The following SCAF8 variants were observed in gnomAD, a reference collection of about 807,000 sequenced individuals.
SCAF8 encodes the protein SR-related and CTD-associated factor 8.
Under a neutral mutation model 140.5 loss-of-function variants are expected in SCAF8, and 23 were observed. That is an observed-to-expected ratio of 0.16 (90% CI 0.12 to 0.23). The LOEUF is 0.23. SCAF8 is among the 10% of genes least tolerant of loss of function. The pLI is 1.00. For missense variants in SCAF8, 1,397 were observed against 1,555.7 expected, an observed-to-expected ratio of 0.90 and a Z score of 1.72; for synonymous variants, 575 against 528.9, an observed-to-expected ratio of 1.09 and a Z score of -1.20.
At chr6:154,821,169 A>G (rs1161274243) in intron 15 of SCAF8, among the ~76,000 whole-genome samples, 1 of 152,198 alleles carries the variant, frequency 6.6e-6, no homozygotes, top group African/African-American at 2.4e-5. Flanking sequence ...CAGTGAGACA[A>G]ATAGACAAAA....
chr6:154,773,578 G>T (rs951540221), intron 1 of SCAF8, among the ~76,000 whole-genome samples: 1 of 152,112 alleles, frequency 6.6e-6, no homozygotes, highest in Non-Finnish European at 1.5e-5. Context: ...AAAGTATCAT[G>T]TACAAGTTCT....
chr6:154,808,835 C>A, intron 11 of SCAF8, 37 bp downstream of exon 11: 1 of 1,354,730 alleles, frequency 7.4e-7, no homozygotes, highest in African/African-American at 1.4e-5. Context: ...CGTGTGTGAA[C>A]TTTAAAATGT....
upstream of SCAF8, chr6:154,733,380 G>T (rs775798294): frequency 3.1e-4 from 413 of 1,312,128 alleles, 1 homozygote; most frequent in Non-Finnish European, 3.6e-4. Context: ...CCGGCGCCGC[G>T]GATCCCCGAA....
chr6:154,759,664 A>T (rs1365424001), intron 1 of SCAF8, among the ~76,000 whole-genome samples: 1 of 133,294 alleles, frequency 7.5e-6, no homozygotes, highest in Non-Finnish European at 1.6e-5. Flanking sequence ...TGTCATAATA[A>T]TTTTTTTTTT....
chr6:154,765,808 A>G (rs1222935749), intron 1 of SCAF8, among the ~76,000 whole-genome samples: 3 of 152,202 alleles, frequency 2.0e-5, no homozygotes, highest in Non-Finnish European at 4.4e-5. Flanking sequence ...ATTAGATGAA[A>G]TGATGTTTTC....
At chr6:154,801,871 A>T in intron 6 of SCAF8, 100 bp from the exon 7 acceptor site, 3 of 718,478 alleles carry the variant, frequency 4.2e-6, no homozygotes, top group Non-Finnish European at 4.5e-6. Flanking sequence ...TTTCAAAGAG[A>T]GTGTGGAATG....
At chr6:154,774,834 T>C (rs1409295441) in intron 2 of SCAF8, among the ~76,000 whole-genome samples, 1 of 152,196 alleles carries the variant, frequency 6.6e-6, no homozygotes, top group African/African-American at 2.4e-5. Context: ...CAAAATTTTA[T>C]AGAAACTTTT....
At chr6:154,759,327 T>TA (rs543407636) in intron 1 of SCAF8, among the ~76,000 whole-genome samples, 113 of 152,322 alleles carry the variant, frequency 7.4e-4, no homozygotes, top group African/African-American at 2.6e-3. Context: ...TTAAAGGACT[T>TA]ATGCAGATGA....
intron 1 of SCAF8, among the ~76,000 whole-genome samples, chr6:154,768,849 G>C (rs1285341866): frequency 6.6e-6 from 1 of 152,078 alleles, no homozygotes; most frequent in Admixed American, 6.5e-5. Context: ...GATTGCTTGA[G>C]CCCAGGTGTT....
intron 19 of SCAF8, among the ~76,000 whole-genome samples, chr6:154,831,703 TAAAAAAAAAAAAAAAAAAAAAAAAAAA>T (rs58013583): frequency 4.2e-5 from 2 of 48,068 alleles, no homozygotes; most frequent in Non-Finnish European, 7.7e-5. Flanking sequence ...CTCCTGTTCT[TAAAAAAAAAAAAAAAAAAAAAAAAAAA>T]AAAAAAAAAA....
At chr6:154,775,819 TA>T (rs1457758257) in intron 2 of SCAF8, among the ~76,000 whole-genome samples, 6 of 151,898 alleles carry the variant, frequency 4.0e-5, no homozygotes, top group African/African-American at 1.4e-4. Flanking sequence ...TATTTTGACT[TA>T]CTGTTTTTAA....
At chr6:154,798,455 G>T (rs1562451922) in intron 6 of SCAF8, among the ~76,000 whole-genome samples, 2 of 151,510 alleles carry the variant, frequency 1.3e-5, no homozygotes, top group South Asian at 4.2e-4. Context: ...TAATGGAAAT[G>T]CGATTTTTCC....
Position 154,834,188 on chromosome 6 carries a change from T to G in SCAF8, c.*793T>G, listed in dbSNP as rs1289555751. 7.2e-5 allele frequency: 11 copies of G among 152,230 alleles called. No homozygotes were observed. 9.4% of individuals were successfully genotyped at this position (152,230 alleles called of 1,614,324 possible). A position where few individuals can be genotyped will look rare whatever the true frequency, so the allele number is the denominator to read the frequency against. On this transcript the variant is annotated 3_prime_UTR_variant, in exon 20 of 20. Transcript: ENST00000367178. ...AATGAACTATGTGGTGGAAAAAGCA[T>G]GTACTTTGATATAAAAATCATGCAG...
chr6:154,824,243 G>A lies in SCAF8; in HGVS notation c.1936G>A (p.Ala646Thr). Residue 646 changes from alanine to threonine, a missense_variant, in exon 17 of 20, where the codon GCG becomes ACG. This residue lies in a region of SCAF8 where 930 missense variants were observed against 874.6 expected (regional missense o/e 1.06). Coordinates refer to ENST00000367178, the MANE Select transcript of SCAF8 (RefSeq NM_014892.5). Reference sequence around the variant, plus strand: ...TGTCTATCCACAAAAGATTCCAGTGGCGCCAGCCGTGCCTACAGTTAGTTT... The same window carrying A: ...TGTCTATCCACAAAAGATTCCAGTGACGCCAGCCGTGCCTACAGTTAGTTT... Reference protein sequence around the residue: ...PPVAMLQIPVAPAVPTVSLVP... With the variant: ...PPVAMLQIPVTPAVPTVSLVP... The A allele has an allele frequency of 6.2e-7, 1 of 1,613,666 alleles. No individual in the cohort carries two copies. The highest frequency in any genetic ancestry group is 1.1e-5 in the South Asian group (1 of 91,010).
chr6:154,784,061 C>G (rs534855645), intron 3 of SCAF8, among the ~76,000 whole-genome samples: 16 of 142,198 alleles, frequency 1.1e-4, no homozygotes, highest in African/African-American at 3.9e-4. Context: ...AGCGAGACTC[C>G]GTCTCAAAAA....
intron 1 of SCAF8, among the ~76,000 whole-genome samples, chr6:154,746,734 A>G (rs1237107103): frequency 6.6e-6 from 1 of 152,246 alleles, no homozygotes; most frequent in Non-Finnish European, 1.5e-5. Flanking sequence ...AATACTATGT[A>G]CAAACATTAC....
chr6:154,777,105 C>A (rs775996844), intron 2 of SCAF8, among the ~76,000 whole-genome samples: 10 of 151,970 alleles, frequency 6.6e-5, no homozygotes, highest in Non-Finnish European at 1.2e-4. Context: ...CGCTTGAACC[C>A]GGGAGGCGAG....
Position 154,770,276 on chromosome 6 carries a change from A to G in SCAF8, c.31-3713A>G, listed in dbSNP as rs111318726. ...TAAGACTAGCCTGGGCAACATAACA[A>G]AACCCCGTCTTTACAAAAAAAGAAA... On this transcript the variant is annotated intron_variant, in intron 1 of 19. Transcript: ENST00000367178. 5.6e-3 allele frequency among the ~76,000 whole-genome samples: 858 copies of G among 151,986 alleles called. 13 individuals are homozygous for G. Among genetic ancestry groups the G allele is most frequent in the African/African-American group, 0.02 (814 of 41,408 alleles).
At chr6:154,809,877 T>A in intron 11 of SCAF8, 138 bp from the exon 12 acceptor site, 1 of 774,230 alleles carries the variant, frequency 1.3e-6, no homozygotes, top group Non-Finnish European at 2.2e-6. Context: ...GAGACTTGAT[T>A]TTACTTCAGA....
Sources: allele counts gnomAD v4.1 joint callset (sites outside exome capture counted in the v4.1 genomes callset), GRCh38; gene constraint gnomAD v4.1.1; regional missense constraint gnomAD v4.1.1; transcripts MANE v1.5; gene names NCBI Gene and HGNC (gene_info 2026-07-23, HGNC 2026-07-21).